Variants in CCDC144A observed in about 807,000 individuals in gnomAD.
The protein encoded by CCDC144A is coiled-coil domain-containing protein 144A.
CCDC144A carries 41 observed loss-of-function variants against 143.8 expected under a neutral mutation model. That is an observed-to-expected ratio of 0.29 (90% CI 0.22 to 0.37). The LOEUF (loss-of-function observed/expected upper bound fraction) is 0.37, where lower values mean the gene tolerates loss of function less well. Ranked by LOEUF, CCDC144A falls within the 10% of genes least tolerant of loss-of-function variation. CCDC144A has a pLI of 1.00. For synonymous variants in CCDC144A, 242 were observed against 517.9 expected (o/e 0.47, Z 7.23); for missense variants, 637 against 1,488.8 (o/e 0.43, Z 9.41).
chr17:16,686,091 GTT>G (rs67135656), upstream of CCDC144A, among the ~76,000 whole-genome samples: 37 of 114,720 alleles, frequency 3.2e-4, no homozygotes, highest in African/African-American at 4.9e-4. Context: ...TGTTTTTTTT[GTT>G]TTTTTTTTTT....
intron 8 of CCDC144A, among the ~76,000 whole-genome samples, chr17:16,720,938 A>G (rs1913058334): frequency 1.3e-5 from 2 of 152,054 alleles, no homozygotes; most frequent in African/African-American, 2.4e-5. Context: ...TGCTGCGAGA[A>G]TCTTAGGAAT....
upstream of CCDC144A, among the ~76,000 whole-genome samples, chr17:16,686,099 T>G (rs868785155): frequency 0.16 from 23,181 of 147,334 alleles, 2,196 homozygotes; most frequent in Non-Finnish European, 0.23. Flanking sequence ...TTGTTTTTTT[T>G]TTTTTTTTTT....
chr17:16,670,970 A>G, the CCDC144A span, among the ~76,000 whole-genome samples: 1 of 152,128 alleles, frequency 6.6e-6, no homozygotes, highest in East Asian at 1.9e-4. Flanking sequence ...TATTTTAAAT[A>G]ATACAAAATA....
the CCDC144A span, among the ~76,000 whole-genome samples, chr17:16,677,465 T>A: frequency 1.3e-5 from 2 of 152,062 alleles, no homozygotes; most frequent in African/African-American, 4.8e-5. Flanking sequence ...CCCCCTCAAA[T>A]TCGTGTGTTA....
At chr17:16,724,509 C>CAAAAA (rs1194753881) in intron 8 of CCDC144A, among the ~76,000 whole-genome samples, 2 of 65,912 alleles carry the variant, frequency 3.0e-5, no homozygotes, top group Admixed American at 1.5e-4. Context: ...GACTCCGTCT[C>CAAAAA]AAAAAAAAAA....
At position 16,709,136 on chromosome 17, in the gene CCDC144A, C is replaced by T; in HGVS notation, c.1079C>T (p.Thr360Ile). ...SEISVSVVFE[T>I]FPEQKEPSLK... ...ATATCTGTCTCAGTGGTATTCGAGA[C>T]ATTTCCTGAACAAAAAGAACCCAGT... is the stretch of plus-strand genomic sequence containing the variant. Residue 360 changes from threonine (T) to isoleucine (I), a missense_variant, in exon 5 of 17, where the codon ACA (threonine) becomes ATA (isoleucine). Physicochemically the swap from Thr to Ile is moderately conservative, Grantham distance 89 (BLOSUM62 -1). Coordinates refer to ENST00000399273, the MANE Select transcript of CCDC144A (RefSeq NM_001382000.1). 1 of 1,611,690 alleles carries T rather than the reference C, an allele frequency of 6.2e-7. No individual in the cohort carries two copies. The highest frequency in any genetic ancestry group is 8.5e-7 in the Non-Finnish European group (1 of 1,179,646).
At chr17:16,668,064 T>A in the CCDC144A span, among the ~76,000 whole-genome samples, 1 of 148,194 alleles carries the variant, frequency 6.7e-6, no homozygotes, top group Non-Finnish European at 1.5e-5. Flanking sequence ...TCTCTTTGTA[T>A]GTCTCTTTTC....
At chr17:16,681,882 GA>G in the CCDC144A span, among the ~76,000 whole-genome samples, 455 of 151,710 alleles carry the variant, frequency 3.0e-3, 5 homozygotes, top group African/African-American at 0.01. Flanking sequence ...AGTGTGTTAT[GA>G]TACGGCTTGG....
chr17:16,711,236 T>C (rs1047688003), intron 5 of CCDC144A, among the ~76,000 whole-genome samples: 3 of 150,610 alleles, frequency 2.0e-5, no homozygotes, highest in African/African-American at 7.3e-5. Flanking sequence ...CCCCACAGTG[T>C]TGTATCCTCT....
At chr17:16,683,327 A>G in the CCDC144A span, 1 of 585,976 alleles carries the variant, frequency 1.7e-6, no homozygotes, top group Admixed American at 3.1e-5. Context: ...AAACGAATGA[A>G]TTGTAAAAAG....
intron 14 of CCDC144A, among the ~76,000 whole-genome samples, chr17:16,762,907 G>C (rs904346091): frequency 3.6e-5 from 5 of 139,742 alleles, no homozygotes; most frequent in African/African-American, 1.5e-4. Context: ...TTGCTTGTCA[G>C]TATTCCCTTA....
At chr17:16,738,199 A>T (rs570968688) in intron 12 of CCDC144A, among the ~76,000 whole-genome samples, 2 of 148,270 alleles carry the variant, frequency 1.3e-5, no homozygotes, top group African/African-American at 2.5e-5. Context: ...AAACTACTTG[A>T]AATGTTAGGT....
chr17:16,737,158 A>G (rs1242805456), intron 12 of CCDC144A, among the ~76,000 whole-genome samples: 3 of 149,174 alleles, frequency 2.0e-5, no homozygotes, highest in Non-Finnish European at 4.4e-5. Flanking sequence ...AGTTAGAGTT[A>G]AATCTTTTTT....
chr17:16,730,941 A>G (rs2656441), intron 9 of CCDC144A, among the ~76,000 whole-genome samples: 14,380 of 143,038 alleles, frequency 0.1, 828 homozygotes, highest in Non-Finnish European at 0.13. Flanking sequence ...GTCTTTTCCA[A>G]TTTGGATGCC....
intron 12 of CCDC144A, among the ~76,000 whole-genome samples, chr17:16,754,578 G>C (rs999001548): frequency 6.6e-6 from 1 of 152,138 alleles, no homozygotes; most frequent in Admixed American, 6.5e-5. Flanking sequence ...AGTTTTTGTC[G>C]TTACTGATTT....
chr17:16,720,216 T>C lies in CCDC144A; in HGVS notation c.1734T>C (p.Ser578=). 6.6e-7 allele frequency: 1 copy of C among 1,520,228 alleles called. No homozygotes were observed. The highest frequency in any genetic ancestry group is 8.8e-7 in the Non-Finnish European group (1 of 1,137,268). 94.2% of individuals were successfully genotyped at this position (1,520,228 alleles called of 1,614,324 possible). The change falls in exon 7 of 17, where the codon TCT becomes TCC. Residue 578 remains serine, a synonymous_variant. Coordinates refer to ENST00000399273, the MANE Select transcript of CCDC144A (RefSeq NM_001382000.1). ...GEHDRPADKT[S]NEKNEVKNQI... ...TTTTCAGGCCTGCAGATAAAACATC[T>C]AATGAAAAGAACGAGGTATTGTAAA...
chr17:16,758,621 GA>G (rs1196265055), intron 12 of CCDC144A, among the ~76,000 whole-genome samples: 1 of 152,230 alleles, frequency 6.6e-6, no homozygotes, highest in Non-Finnish European at 1.5e-5. Context: ...ACTTGATTTG[GA>G]CTTCATGGGA....
At chr17:16,746,429 C>G (rs1287872677) in intron 12 of CCDC144A, 11 of 1,601,954 alleles carry the variant, frequency 6.9e-6, no homozygotes, top group African/African-American at 1.3e-5. Flanking sequence ...AGGTGTGGTT[C>G]TTCTAGCAAT....
intron 2 of CCDC144A, among the ~76,000 whole-genome samples, chr17:16,700,924 G>A (rs1198303605): frequency 6.6e-6 from 1 of 151,956 alleles, no homozygotes; most frequent in African/African-American, 2.4e-5. Context: ...TTTCATGGAT[G>A]GACCAGTTTT....
Sources: allele counts gnomAD v4.1 joint callset (sites outside exome capture counted in the v4.1 genomes callset), GRCh38; gene constraint gnomAD v4.1.1; transcripts MANE v1.5; gene names NCBI Gene and HGNC (gene_info 2026-07-23, HGNC 2026-07-21).